PLCZ1: variants seen among roughly 807,000 people sequenced by gnomAD.
The protein encoded by PLCZ1 is 1-phosphatidylinositol 4,5-bisphosphate phosphodiesterase zeta-1.
A neutral mutation model predicts 76.8 loss-of-function variants in PLCZ1; 64 were observed. The ratio of observed to expected loss-of-function variants is 0.83; its 90% CI spans 0.68 to 1.03. The LOEUF is 1.03. Ranked by LOEUF, PLCZ1 falls within the 50% of genes least tolerant of loss-of-function variation. The pLI is 0.00. For synonymous variants in PLCZ1, 248 were observed against 230.8 expected, an observed-to-expected ratio of 1.07 and a Z score of -0.68; for missense variants, 751 against 713.7, an observed-to-expected ratio of 1.05 and a Z score of -0.60.
In PLCZ1 at chr12:18,702,907, G is replaced by A. The variant is rs75388535; in HGVS notation, c.865-1131C>T. On this transcript the variant is annotated intron_variant, in intron 7 of 14. Transcript: ENST00000266505. The stretch of plus-strand genomic sequence containing the variant: ...ATGATCTCAGCTCACTGCAACCTCC[G>A]CCTCCTGGGTTCAAGAGATTCTCCT... Among the ~76,000 whole-genome samples the A allele has an allele frequency of 5.6e-4, 76 of 135,900 alleles. No homozygotes were observed. In the East Asian group the frequency reaches 0.017, roughly 30 times the overall value. The allele number at this position is 135,900 out of a possible 152,430, so 89.2% of individuals were successfully genotyped here.
chr12:18,704,131 A>C (rs957723062), intron 7 of PLCZ1, among the ~76,000 whole-genome samples: 1 of 152,148 alleles, frequency 6.6e-6, no homozygotes, highest in Non-Finnish European at 1.5e-5. Flanking sequence ...AAGGAAGTGG[A>C]GGTCGACAGT....
the PLCZ1 span, among the ~76,000 whole-genome samples, chr12:18,668,737 C>T: frequency 1.2e-4 from 19 of 152,144 alleles, no homozygotes; most frequent in Non-Finnish European, 2.5e-4. Context: ...TAGAAGTGCT[C>T]ACACCCCAAA....
In PLCZ1 at chr12:18,726,953, C is replaced by T. The variant is rs188048327; in HGVS notation, c.136-3411G>A. On this transcript the variant is annotated intron_variant, in intron 3 of 14. Coordinates refer to ENST00000266505, the MANE Select transcript of PLCZ1 (RefSeq NM_033123.4). Reference sequence around the variant, plus strand: ...CCAAATATATGAGTCAGATACTATACTGGGTAACAAGGATGCAAAAGTAAC... The same window carrying T: ...CCAAATATATGAGTCAGATACTATATTGGGTAACAAGGATGCAAAAGTAAC... 2.6e-3 allele frequency among the ~76,000 whole-genome samples: 390 copies of T among 152,178 alleles called. 4 individuals carry two copies. The highest frequency in any genetic ancestry group is 1.1e-3 in the Non-Finnish European group (74 of 68,022).
At chr12:18,648,873 T>C in the PLCZ1 span, among the ~76,000 whole-genome samples, 1 of 152,134 alleles carries the variant, frequency 6.6e-6, no homozygotes, top group African/African-American at 2.4e-5. Flanking sequence ...TCAAAAAAAT[T>C]TTTTAATCTT....
intron 12 of PLCZ1, 152 bp from the exon 13 acceptor site, chr12:18,688,370 T>A: frequency 1.4e-6 from 1 of 701,136 alleles, no homozygotes; most frequent in East Asian, 2.9e-5. Context: ...AATTTTAAAA[T>A]TTAAGTCTTT....
the PLCZ1 span, among the ~76,000 whole-genome samples, chr12:18,660,709 C>T: frequency 2.0e-5 from 3 of 152,068 alleles, no homozygotes; most frequent in African/African-American, 7.2e-5. Flanking sequence ...AATCTGATTT[C>T]CAGAGACATG....
At chr12:18,704,664 A>C (rs1225825777) in intron 7 of PLCZ1, among the ~76,000 whole-genome samples, 1 of 152,208 alleles carries the variant, frequency 6.6e-6, no homozygotes, top group Admixed American at 6.5e-5. Context: ...CAGAGAGAGA[A>C]GTGAAGTCCT....
At chr12:18,654,366 A>G in the PLCZ1 span, among the ~76,000 whole-genome samples, 2 of 152,116 alleles carry the variant, frequency 1.3e-5, no homozygotes, top group African/African-American at 4.8e-5. Context: ...GATTTCCTGG[A>G]AAGACTAAGA....
chr12:18,650,704 GTATATA>G, the PLCZ1 span, among the ~76,000 whole-genome samples: 131 of 57,744 alleles, frequency 2.3e-3, 1 homozygote, highest in African/African-American at 3.3e-3. Context: ...GTGTGTGTGT[GTATATA>G]TCTATATATA....
At chr12:18,710,232 C>T (rs1957130855) in intron 6 of PLCZ1, among the ~76,000 whole-genome samples, 1 of 149,732 alleles carries the variant, frequency 6.7e-6, no homozygotes, top group Non-Finnish European at 1.5e-5. Context: ...TTCATCCTTG[C>T]AAGGCCTTTG....
the PLCZ1 span, among the ~76,000 whole-genome samples, chr12:18,657,700 C>T: frequency 6.6e-6 from 1 of 152,072 alleles, no homozygotes; most frequent in African/African-American, 2.4e-5. Flanking sequence ...CAACAACAAA[C>T]CCCCAAGGAA....
At chr12:18,683,088 AT>A (rs1952582470), downstream of PLCZ1, 3 of 710,128 alleles carry the variant, frequency 4.2e-6, no homozygotes, top group Admixed American at 8.3e-5. Flanking sequence ...CCACTGATTT[AT>A]TTTTGTATAT....
intron 6 of PLCZ1, among the ~76,000 whole-genome samples, chr12:18,709,578 T>G (rs939293173): frequency 6.6e-6 from 1 of 151,974 alleles, no homozygotes; most frequent in Non-Finnish European, 1.5e-5. Flanking sequence ...TTGATAAGAA[T>G]TGCATTAAAT....
the PLCZ1 span, among the ~76,000 whole-genome samples, chr12:18,673,966 C>T: frequency 6.6e-6 from 1 of 152,180 alleles, no homozygotes; most frequent in Admixed American, 6.5e-5. Flanking sequence ...TCAGAAGTGA[C>T]ATCACCTTCA....
intron 12 of PLCZ1, among the ~76,000 whole-genome samples, chr12:18,689,548 G>A (rs1219610106): frequency 7.9e-5 from 12 of 152,098 alleles, no homozygotes; most frequent in Non-Finnish European, 1.3e-4. Flanking sequence ...CAAAATATTG[G>A]ACACCCCTGG....
chr12:18,701,534 C>G lies in PLCZ1; in HGVS notation c.984G>C (p.Lys328Asn). The G allele has an allele frequency of 1.9e-5, 30 of 1,613,914 alleles. No homozygotes were observed. Among genetic ancestry groups the G allele is most frequent in the Non-Finnish European group, 2.5e-5 (30 of 1,179,948 alleles). ...DNQDKETGVK[K>N]LPGVMLFKKK... ...TCTTGAAAAGCATTACTCCAGGTAA[C>G]TTTTTTACCCCTGTTTCCTTGTCTT... The change falls in exon 9 of 15, where the codon AAG becomes AAC. Residue 328 changes from lysine (K) to asparagine (N), a missense_variant. Physicochemically the swap from Lys to Asn is moderately conservative, Grantham distance 94. Transcript: ENST00000266505.
intron 2 of PLCZ1, among the ~76,000 whole-genome samples, 155 bp downstream of exon 2, chr12:18,737,206 A>T (rs1480327983): frequency 6.6e-6 from 1 of 152,176 alleles, no homozygotes; most frequent in Non-Finnish European, 1.5e-5. Flanking sequence ...GAATGCAGGG[A>T]AAGTTAGAAA....
intron 6 of PLCZ1, among the ~76,000 whole-genome samples, chr12:18,706,396 CATT>C (rs1435751309): frequency 6.6e-6 from 1 of 152,030 alleles, no homozygotes; most frequent in Non-Finnish European, 1.5e-5. Context: ...GAAACAAAAA[CATT>C]ATTAACACTG....
the PLCZ1 span, among the ~76,000 whole-genome samples, chr12:18,653,164 C>T: frequency 6.6e-6 from 1 of 152,000 alleles, no homozygotes; most frequent in Non-Finnish European, 1.5e-5. Context: ...AAAGTGGTTG[C>T]AGTAGCAGAG....
Sources: allele counts gnomAD v4.1 joint callset (sites outside exome capture counted in the v4.1 genomes callset), GRCh38; gene constraint gnomAD v4.1.1; transcripts MANE v1.5; gene names NCBI Gene and HGNC (gene_info 2026-07-23, HGNC 2026-07-21).